The following NRG1 variants were observed in gnomAD, a reference collection of about 807,000 sequenced individuals.
The protein encoded by NRG1 is pro-neuregulin-1, membrane-bound isoform.
Under a neutral mutation model 63.8 loss-of-function variants are expected in NRG1, and 18 were observed. That is an observed-to-expected ratio of 0.28 (90% CI 0.19 to 0.42). NRG1 has a LOEUF of 0.42. Among genes scored for constraint, NRG1 ranks in the 10% least tolerant of loss-of-function variants. NRG1 has a pLI of 1.00. For synonymous variants in NRG1, 302 were observed against 301.3 expected (o/e 1.00, Z -0.02); for missense variants, 762 against 814.7 (o/e 0.94, Z 0.79).
intron 1 of NRG1, among the ~76,000 whole-genome samples, chr8:31,674,717 C>A (rs189448926): frequency 1.3e-5 from 2 of 152,234 alleles, no homozygotes; most frequent in East Asian, 3.9e-4. Flanking sequence ...AAGTTTTTGA[C>A]CTGAATTTAC....
At chr8:32,622,253 T>G (rs1848469685) in intron 5 of NRG1, among the ~76,000 whole-genome samples, 2 of 151,862 alleles carry the variant, frequency 1.3e-5, no homozygotes, top group African/African-American at 2.4e-5. Context: ...ACTACTACAC[T>G]CCAGCCTGGG....
chr8:32,481,528 G>A (rs112604137), intron 1 of NRG1, among the ~76,000 whole-genome samples: 6 of 152,162 alleles, frequency 3.9e-5, no homozygotes, highest in African/African-American at 1.2e-4. Flanking sequence ...TCTCAACCCC[G>A]GCTCTTGAGT....
chr8:31,713,381 G>A (rs936375011), intron 1 of NRG1, among the ~76,000 whole-genome samples: 2 of 152,060 alleles, frequency 1.3e-5, no homozygotes, highest in African/African-American at 2.4e-5. Flanking sequence ...CTCCCAAAGT[G>A]CTGGGATTAC....
At chr8:32,234,585 T>G (rs1288298070) in intron 1 of NRG1, among the ~76,000 whole-genome samples, 1 of 152,174 alleles carries the variant, frequency 6.6e-6, no homozygotes, top group Non-Finnish European at 1.5e-5. Flanking sequence ...TTGAACAAGA[T>G]TTTGGAATAA....
chr8:31,930,326 C>A (rs574774851), intron 1 of NRG1, among the ~76,000 whole-genome samples: 61 of 152,256 alleles, frequency 4.0e-4, no homozygotes, highest in African/African-American at 1.3e-3. Context: ...ATTCCTTTGA[C>A]TTTAATAGCT....
intron 5 of NRG1, among the ~76,000 whole-genome samples, chr8:32,676,142 C>A (rs1191240127): frequency 6.6e-6 from 1 of 152,138 alleles, no homozygotes; most frequent in Non-Finnish European, 1.5e-5. Context: ...AGTCCATCTG[C>A]CTCATTTTGA....
At chr8:32,732,453 C>A (rs1823917515) in intron 6 of NRG1, among the ~76,000 whole-genome samples, 1 of 152,012 alleles carries the variant, frequency 6.6e-6, no homozygotes, top group South Asian at 2.1e-4. Flanking sequence ...TTATATCAGG[C>A]TGTGCTTATA....
At chr8:31,648,607 T>A (rs893637844) in intron 1 of NRG1, among the ~76,000 whole-genome samples, 5 of 152,214 alleles carry the variant, frequency 3.3e-5, no homozygotes, top group Admixed American at 2.0e-4. Context: ...TTCTACTGTT[T>A]GCCTCTCTGA....
rs1803692294 is a variant in NRG1 at position 31,640,813 on chromosome 8, C to T, written c.37+1382C>T. ...GCGGGCAGCGGGGCTCGACGGCCGC[C>T]CGAGCAAGGCAGAGGCGCTCTGGGT... On this transcript the variant is annotated intron_variant, in intron 1 of 10. Transcript: ENST00000519301. This position sits in a 1 kb window ranked among gnomAD's most constrained non-coding sequence, Gnocchi z 6.3. The T allele has an allele frequency of 2.8e-6, 4 of 1,427,998 alleles. No homozygotes were observed. The highest frequency in any genetic ancestry group is 3.7e-6 in the Non-Finnish European group (4 of 1,092,604). 88.5% of individuals were successfully genotyped at this position (1,427,998 alleles called of 1,614,324 possible).
intron 1 of NRG1, among the ~76,000 whole-genome samples, chr8:32,337,308 G>C (rs1166383366): frequency 3.3e-5 from 5 of 152,110 alleles, no homozygotes; most frequent in Non-Finnish European, 5.9e-5. Context: ...CACCTGGCCT[G>C]AATGTACTTT....
At chr8:31,782,180 C>G (rs535005531) in intron 1 of NRG1, among the ~76,000 whole-genome samples, 117 of 152,266 alleles carry the variant, frequency 7.7e-4, no homozygotes, top group Non-Finnish European at 1.5e-3. Context: ...GGGAATCTGG[C>G]CTTCTTCTTG....
intron 1 of NRG1, among the ~76,000 whole-genome samples, chr8:32,262,386 C>G (rs1024179776): frequency 6.6e-6 from 1 of 152,036 alleles, no homozygotes; most frequent in Non-Finnish European, 1.5e-5. Flanking sequence ...GAGACCCCCC[C>G]AAAAAATGCT....
intron 1 of NRG1, among the ~76,000 whole-genome samples, chr8:32,142,512 G>A (rs1177513372): frequency 6.6e-6 from 1 of 152,108 alleles, no homozygotes; most frequent in Admixed American, 6.6e-5. Flanking sequence ...CAAGCATTAG[G>A]TTTCTAAACA....
At chr8:32,610,609 A>G (rs1846207759) in intron 3 of NRG1, among the ~76,000 whole-genome samples, 1 of 152,316 alleles carries the variant, frequency 6.6e-6, no homozygotes, top group East Asian at 1.9e-4. Context: ...TACTGTTTTC[A>G]AGCACTTAGA....
chr8:32,548,369 G>C, exon 1 of NRG1: 1 of 1,028,086 alleles, frequency 9.7e-7, no homozygotes, highest in Non-Finnish European at 1.2e-6. Context: ...GGCGGCTGCC[G>C]GACGATGGGA....
chr8:32,529,155 G>C (rs952993368), intron 1 of NRG1, among the ~76,000 whole-genome samples: 1 of 152,208 alleles, frequency 6.6e-6, no homozygotes, highest in Non-Finnish European at 1.5e-5. Flanking sequence ...CATACAGCCT[G>C]CTACTATACT....
At chr8:32,494,378 C>T (rs957760532) in intron 1 of NRG1, among the ~76,000 whole-genome samples, 18 of 152,252 alleles carry the variant, frequency 1.2e-4, no homozygotes, top group Non-Finnish European at 2.5e-4. Context: ...TAATTTAACC[C>T]TCTCTTTAAT....
At chr8:32,731,638 T>G (rs1025156323) in intron 6 of NRG1, among the ~76,000 whole-genome samples, 1 of 152,216 alleles carries the variant, frequency 6.6e-6, no homozygotes, top group African/African-American at 2.4e-5. Flanking sequence ...GTTTTTATTT[T>G]TTTAAATCCT....
intron 1 of NRG1, among the ~76,000 whole-genome samples, chr8:32,493,342 A>T (rs999579159): frequency 3.3e-5 from 5 of 152,192 alleles, no homozygotes; most frequent in African/African-American, 9.6e-5. Context: ...TCACTGGGGC[A>T]TGCTCCCTCC....
Sources: gnomAD v4.1 joint callset for allele counts (sites outside exome capture counted in the v4.1 genomes callset) on GRCh38, gnomAD v4.1.1 for gene constraint, Gnocchi (gnomAD v3.1) non-coding constraint, MANE v1.5 for transcripts, NCBI Gene and HGNC (gene_info 2026-07-23, HGNC 2026-07-21) for gene names.